Variants in CAPN13 observed in about 807,000 individuals in gnomAD.
CAPN13 encodes calpain 13.
In CAPN13, 90 loss-of-function variants were observed where a neutral mutation model predicts 98.4. The observed-to-expected ratio is 0.92, with a 90% CI of 0.77 to 1.09. The LOEUF (loss-of-function observed/expected upper bound fraction) is 1.09, where lower values mean the gene tolerates loss of function less well. Among genes scored for constraint, CAPN13 ranks in the 50% least tolerant of loss-of-function variants. CAPN13 has a pLI of 0.00. For missense variants in CAPN13, 887 were observed against 841.3 expected (o/e 1.05, Z -0.67); for synonymous variants, 330 against 305.5 (o/e 1.08, Z -0.84).
At chr2:30,752,087 T>C (rs1242467866) in intron 10 of CAPN13, among the ~76,000 whole-genome samples, 1 of 151,914 alleles carries the variant, frequency 6.6e-6, no homozygotes, top group Non-Finnish European at 1.5e-5. Flanking sequence ...TGCCCAAGAG[T>C]GACTCAACAG....
intron 5 of CAPN13, among the ~76,000 whole-genome samples, chr2:30,767,789 C>T (rs146810515): frequency 2.0e-5 from 3 of 152,300 alleles, no homozygotes; most frequent in African/African-American, 7.2e-5. Context: ...ACTGTTTGGA[C>T]TGTGACTTCC....
chr2:30,767,773 C>A (rs1162950813), intron 5 of CAPN13, among the ~76,000 whole-genome samples: 2 of 152,206 alleles, frequency 1.3e-5, no homozygotes, highest in Non-Finnish European at 2.9e-5. Context: ...GGTCTTGAGG[C>A]ACCTCACTGT....
In CAPN13 at chr2:30,743,043, C is replaced by T. The variant is rs185989113; in HGVS notation, c.1445+340G>A. On this transcript the variant is annotated intron_variant, in intron 13 of 22. Coordinates refer to ENST00000295055, the MANE Select transcript of CAPN13 (RefSeq NM_144575.3). ...ACCTACCTTCCCATGGCTACCATCGCCTTCCCTTTTAAACTATTAAATTAT... is the reference window on the plus strand; with the variant it reads ...ACCTACCTTCCCATGGCTACCATCGTCTTCCCTTTTAAACTATTAAATTAT... 62 of 286,496 alleles carry T rather than the reference C, an allele frequency of 2.2e-4. No homozygotes were observed. In the East Asian group the frequency reaches 4.8e-3, roughly 22 times the overall value. 17.7% of individuals were successfully genotyped at this position (286,496 alleles called of 1,614,324 possible). A position where few individuals can be genotyped will look rare whatever the true frequency, so the allele number is the denominator to read the frequency against.
chr2:30,742,608 C>T (rs1558617406), intron 13 of CAPN13, among the ~76,000 whole-genome samples: 1 of 152,198 alleles, frequency 6.6e-6, no homozygotes, highest in Non-Finnish European at 1.5e-5. Flanking sequence ...ACACTTCCAG[C>T]AACCCCCATT....
rs1440727609 is a variant in CAPN13 at position 30,775,949 on chromosome 2, G to T, written c.368C>A (p.Ala123Asp). The change falls in exon 4 of 23, where the codon GCT (alanine) becomes GAT (aspartate). Residue 123 changes from alanine (A) to aspartate (D), a missense_variant. Physicochemically the swap from Ala to Asp is moderately radical, Grantham distance 126 (BLOSUM62 -2). Transcript: ENST00000295055. Reference protein sequence around the residue: ...LMVQSFSHQYAGIFRFRFWQC... With the variant: ...LMVQSFSHQYDGIFRFRFWQC... ...ACGTACCCGGAAACGGAAAATGCCA[G>T]CATACTGGTGTGAAAAGCTTTGGAC... 6.2e-7 allele frequency: 1 copy of T among 1,609,918 alleles called. No homozygotes were observed. Among genetic ancestry groups the T allele is most frequent in the South Asian group, 1.1e-5 (1 of 90,052 alleles).
intron 10 of CAPN13, among the ~76,000 whole-genome samples, chr2:30,752,712 T>C (rs1216165170): frequency 6.6e-6 from 1 of 152,224 alleles, no homozygotes; most frequent in Admixed American, 6.5e-5. Flanking sequence ...CTGACACTTT[T>C]CCTGTGTTCT....
intron 17 of CAPN13, 106 bp from the exon 18 acceptor site, chr2:30,736,677 G>T: frequency 1.0e-6 from 1 of 988,630 alleles, no homozygotes; most frequent in Non-Finnish European, 1.6e-6. Flanking sequence ...CAACACAGCT[G>T]GTCCATTGTC....
intron 5 of CAPN13, among the ~76,000 whole-genome samples, chr2:30,767,892 T>C (rs1673190224): frequency 6.6e-6 from 1 of 152,114 alleles, no homozygotes; most frequent in South Asian, 2.1e-4. Context: ...AAGATAAAGA[T>C]GTCCCCTGGC....
chr2:30,778,420 C>G (rs988828026), intron 2 of CAPN13, among the ~76,000 whole-genome samples: 1 of 152,224 alleles, frequency 6.6e-6, no homozygotes, highest in African/African-American at 2.4e-5. Flanking sequence ...GGTCTGGCTT[C>G]TGCCCCAGCA....
chr2:30,737,729 G>A lies in CAPN13; in HGVS notation c.1653+506C>T, dbSNP rs76491178. On this transcript the variant is annotated intron_variant, in intron 17 of 22. Coordinates refer to ENST00000295055, the MANE Select transcript of CAPN13 (RefSeq NM_144575.3). ...TTTAAATAATGGAGACTCCTCCAGT[G>A]GGAAGTGAATGGGTAAAAGGGAAAA... The A allele has an allele frequency of 2.2e-3, 350 of 159,288 alleles. 3 individuals are homozygous for A. Among genetic ancestry groups the A allele is most frequent in the African/African-American group, 8.0e-3 (335 of 41,656 alleles). The allele number at this position is 159,288 out of a possible 1,614,324, so 9.9% of individuals were successfully genotyped here. A position where few individuals can be genotyped will look rare whatever the true frequency, so the allele number is the denominator to read the frequency against.
At chr2:30,723,881 A>G (rs72613848) in intron 22 of CAPN13, among the ~76,000 whole-genome samples, 5,885 of 152,242 alleles carry the variant, frequency 0.039, 196 homozygotes, top group East Asian at 0.14. Flanking sequence ...TCAGTCCAAG[A>G]TACATGGTTA....
intron 11 of CAPN13, among the ~76,000 whole-genome samples, chr2:30,749,765 A>G (rs1672083954): frequency 9.3e-6 from 1 of 107,122 alleles, no homozygotes; most frequent in African/African-American, 4.4e-5. Context: ...CAGCGTGTGC[A>G]TGATCTTAAT....
intron 19 of CAPN13, among the ~76,000 whole-genome samples, chr2:30,734,243 C>T (rs767459539): frequency 5.9e-5 from 9 of 152,134 alleles, no homozygotes; most frequent in Non-Finnish European, 1.2e-4. Flanking sequence ...TTGAATGGCA[C>T]GTGAGAACTC....
chr2:30,740,965 A>C (rs916609380), intron 15 of CAPN13, among the ~76,000 whole-genome samples: 2 of 152,190 alleles, frequency 1.3e-5, no homozygotes, highest in Non-Finnish European at 2.9e-5. Flanking sequence ...CCTCGGGCCA[A>C]GGACAGTGAT....
Position 30,770,527 on chromosome 2 carries a change from G to T in CAPN13, c.388-78C>A, listed in dbSNP as rs1220026450. Reference sequence around the variant, plus strand: ...CTGGGTCCCCCAACCTAAGCCAAAAGTTGCAACATGACCTCTACAATGCAA... The same window carrying T: ...CTGGGTCCCCCAACCTAAGCCAAAATTTGCAACATGACCTCTACAATGCAA... On this transcript the variant is annotated intron_variant, in intron 4 of 22. Transcript: ENST00000295055. The T allele has an allele frequency of 3.2e-6, 5 of 1,538,636 alleles. No homozygotes were observed. In the African/African-American group the frequency reaches 4.1e-5, roughly 13 times the overall value.
At chr2:30,796,824 G>C (rs1164642031) in intron 1 of CAPN13, among the ~76,000 whole-genome samples, 2 of 152,170 alleles carry the variant, frequency 1.3e-5, no homozygotes, top group Non-Finnish European at 2.9e-5. Context: ...GGCAGGCTCT[G>C]ACCAGATTCA....
At chr2:30,749,345 C>T (rs530244753) in intron 11 of CAPN13, among the ~76,000 whole-genome samples, 4 of 152,302 alleles carry the variant, frequency 2.6e-5, no homozygotes, top group East Asian at 1.9e-4. Flanking sequence ...ATGCAAAATA[C>T]GTCTCGTCCA....
intron 10 of CAPN13, 51 bp from the exon 11 acceptor site, chr2:30,751,302 T>C: frequency 6.2e-7 from 1 of 1,601,032 alleles, no homozygotes; most frequent in Non-Finnish European, 8.5e-7. Flanking sequence ...CTGGGACTCC[T>C]GGGCAGGGCC....
At chr2:30,742,192 C>A in intron 14 of CAPN13, 134 bp downstream of exon 14, 2 of 1,171,242 alleles carry the variant, frequency 1.7e-6, no homozygotes, top group Non-Finnish European at 1.2e-6. Flanking sequence ...CCCCTTTGAG[C>A]CTTCATCGGC....
Sources: gnomAD v4.1 joint callset for allele counts (sites outside exome capture counted in the v4.1 genomes callset) on GRCh38, gnomAD v4.1.1 for gene constraint, MANE v1.5 for transcripts, NCBI Gene and HGNC (gene_info 2026-07-23, HGNC 2026-07-21) for gene names.